The following SERPINI1 variants were observed in gnomAD, a reference collection of about 807,000 sequenced individuals.
SERPINI1 encodes the protein serpin family I member 1.
A neutral mutation model predicts 41.1 loss-of-function variants in SERPINI1; 19 were observed. That is an observed-to-expected ratio of 0.46 (90% CI 0.32 to 0.68). The LOEUF (loss-of-function observed/expected upper bound fraction) is 0.68. SERPINI1 is among the 30% of genes least tolerant of loss of function. The pLI is 0.03. For missense variants in SERPINI1, 460 were observed against 479.2 expected (o/e 0.96, Z 0.37); for synonymous variants, 138 against 156.6 (o/e 0.88, Z 0.89).
chr3:167,782,410 C>A (rs765616349), intron 1 of SERPINI1, among the ~76,000 whole-genome samples: 1 of 152,162 alleles, frequency 6.6e-6, no homozygotes, highest in Non-Finnish European at 1.5e-5. Context: ...CCCCTGGGCT[C>A]AAAGTAGATT....
chr3:167,807,472 T>G, intron 6 of SERPINI1, 131 bp downstream of exon 6: 1 of 643,744 alleles, frequency 1.6e-6, no homozygotes, highest in Non-Finnish European at 2.7e-6. Context: ...AAATCTAGCA[T>G]GAAATACATT....
At chr3:167,737,073 C>T (rs975600589) in intron 1 of SERPINI1, among the ~76,000 whole-genome samples, 7 of 151,908 alleles carry the variant, frequency 4.6e-5, no homozygotes, top group African/African-American at 1.7e-4. Flanking sequence ...TATTTCTATG[C>T]TTTCCTGAGT....
rs113251395 is a variant in SERPINI1, at chr3:167,792,403, A to AGTGTGTGTGT, written c.482-186_482-177dup. Among the ~76,000 whole-genome samples, 1,408 of 151,266 alleles carry AGTGTGTGTGT rather than the reference A, an allele frequency of 9.3e-3. 6 individuals carry two copies. The highest frequency in any genetic ancestry group is 0.018 in the African/African-American group (757 of 41,096). On this transcript the variant is annotated intron_variant, in intron 3 of 8. Coordinates refer to ENST00000446050, the MANE Select transcript of SERPINI1 (RefSeq NM_001122752.2). Reference sequence around the variant, plus strand: ...TACACACACACATATATATATATGTAGTGTGTGTGTATGTGTGTGTGTATA... The same window carrying AGTGTGTGTGT: ...TACACACACACATATATATATATGTAGTGTGTGTGTGTGTGTGTGTATGTGTGTGTGTATA...
chr3:167,772,864 CTATA>C (rs1161668820), intron 1 of SERPINI1, among the ~76,000 whole-genome samples: 8 of 24,660 alleles, frequency 3.2e-4, no homozygotes, highest in Non-Finnish European at 3.9e-4. Context: ...CTCTCTCTCT[CTATA>C]TATATATATA....
chr3:167,741,935 TATG>T (rs751776881), intron 1 of SERPINI1, among the ~76,000 whole-genome samples: 10 of 152,180 alleles, frequency 6.6e-5, no homozygotes, highest in Admixed American at 2.6e-4. Flanking sequence ...AAAATTATAT[TATG>T]AGATTTTGTG....
At chr3:167,776,019 G>C (rs371497148) in intron 1 of SERPINI1, among the ~76,000 whole-genome samples, 3 of 152,272 alleles carry the variant, frequency 2.0e-5, no homozygotes, top group East Asian at 1.9e-4. Context: ...GGCCTTACCA[G>C]GTGTTTCCAG....
Position 167,793,596 on chromosome 3 carries a change from A to ATATTTTTTTTTT in SERPINI1, c.676+813_676+814insATTTTTTTTTTT. ...TACAAATATATATATATATATATAT[A>ATATTTTTTTTTT]TTTTTAATTAGCTAGGCATAATGGT... On this transcript the variant is annotated intron_variant, in intron 4 of 8. Transcript: ENST00000446050. Among the ~76,000 whole-genome samples, 381 of 140,610 alleles carry ATATTTTTTTTTT rather than the reference A, an allele frequency of 2.7e-3. 2 individuals are homozygous for ATATTTTTTTTTT. Among genetic ancestry groups the ATATTTTTTTTTT allele is most frequent in the African/African-American group, 8.7e-3 (317 of 36,552 alleles). 92.2% of individuals were successfully genotyped at this position (140,610 alleles called of 152,430 possible).
intron 1 of SERPINI1, among the ~76,000 whole-genome samples, chr3:167,783,781 T>C (rs1577415608): frequency 6.6e-6 from 1 of 151,906 alleles, no homozygotes; most frequent in South Asian, 2.1e-4. Flanking sequence ...GAGGCTAGAG[T>C]AGACTAGCAG....
intron 1 of SERPINI1, among the ~76,000 whole-genome samples, chr3:167,756,335 T>C (rs1029762166): frequency 3.3e-5 from 5 of 152,190 alleles, no homozygotes; most frequent in African/African-American, 1.2e-4. Flanking sequence ...CTCACTCTGC[T>C]TGCCCAGGCT....
At chr3:167,751,503 C>G (rs1226507166) in intron 1 of SERPINI1, among the ~76,000 whole-genome samples, 3 of 152,142 alleles carry the variant, frequency 2.0e-5, no homozygotes, top group Non-Finnish European at 4.4e-5. Context: ...CTGTTAACTT[C>G]CTTTAAATGT....
chr3:167,764,890 C>A (rs1216065880), intron 1 of SERPINI1, among the ~76,000 whole-genome samples: 1 of 152,178 alleles, frequency 6.6e-6, no homozygotes, highest in Non-Finnish European at 1.5e-5. Flanking sequence ...TCCAGCAGGG[C>A]AGTCAAATCT....
chr3:167,781,739 A>G (rs1276290040), intron 1 of SERPINI1, among the ~76,000 whole-genome samples: 2 of 150,888 alleles, frequency 1.3e-5, no homozygotes, highest in African/African-American at 4.9e-5. Context: ...CACAATTATG[A>G]AACCATTTTT....
intron 1 of SERPINI1, among the ~76,000 whole-genome samples, chr3:167,739,220 T>C (rs1203415098): frequency 6.6e-6 from 1 of 152,064 alleles, no homozygotes; most frequent in Non-Finnish European, 1.5e-5. Context: ...CATGTACTTC[T>C]TTTCTATCTC....
At chr3:167,783,942 A>G (rs2108553190) in intron 1 of SERPINI1, among the ~76,000 whole-genome samples, 1 of 152,332 alleles carries the variant, frequency 6.6e-6, no homozygotes, top group African/African-American at 2.4e-5. Context: ...TCACAGCCAC[A>G]TGGTCCAAAT....
At chr3:167,799,900 T>C (rs1386665342) in intron 5 of SERPINI1, 3 of 152,214 alleles carry the variant, frequency 2.0e-5, no homozygotes, top group Admixed American at 2.0e-4. Context: ...TATTTTTTCT[T>C]GTAAATTTAA....
chr3:167,780,397 T>A (rs1226121009), intron 1 of SERPINI1, among the ~76,000 whole-genome samples: 1 of 152,210 alleles, frequency 6.6e-6, no homozygotes, highest in African/African-American at 2.4e-5. Flanking sequence ...AAGGAAGGTT[T>A]TGATAGCTTA....
At chr3:167,807,564 A>T (rs1711692446) in intron 6 of SERPINI1, among the ~76,000 whole-genome samples, 1 of 152,208 alleles carries the variant, frequency 6.6e-6, no homozygotes, top group South Asian at 2.1e-4. Context: ...TTGACAATAG[A>T]TTATATTCTC....
chr3:167,751,723 G>A lies in SERPINI1; in HGVS notation c.-19+15900G>A, dbSNP rs147709622. ...AACTAATTGGTACATCATATGCAGC[G>A]TTATGTATGATTTGTTCTAATATCT... On this transcript the variant is annotated intron_variant, in intron 1 of 8. Transcript: ENST00000446050. Among the ~76,000 whole-genome samples the A allele has an allele frequency of 6.0e-3, 905 of 151,998 alleles. 12 individuals are homozygous for A. The highest frequency in any genetic ancestry group is 0.021 in the African/African-American group (850 of 41,456).
chr3:167,749,375 GT>G (rs1559994544), intron 1 of SERPINI1, among the ~76,000 whole-genome samples: 1 of 151,104 alleles, frequency 6.6e-6, no homozygotes, highest in African/African-American at 2.5e-5. Flanking sequence ...AAAACATAAT[GT>G]TCAGCTAGCT....
Sources: gnomAD v4.1 joint callset for allele counts (sites outside exome capture counted in the v4.1 genomes callset) on GRCh38, gnomAD v4.1.1 for gene constraint, MANE v1.5 for transcripts, NCBI Gene and HGNC (gene_info 2026-07-23, HGNC 2026-07-21) for gene names.